The following UVRAG variants were observed in gnomAD, a reference collection of about 807,000 sequenced individuals.
The protein encoded by UVRAG is UV radiation resistance-associated gene protein.
In UVRAG, 19 loss-of-function variants were observed where a neutral mutation model predicts 78.0. The observed-to-expected ratio is 0.24, with a 90% CI of 0.17 to 0.36. UVRAG has a LOEUF of 0.36. Ranked by LOEUF, UVRAG falls within the 10% of genes least tolerant of loss-of-function variation. The pLI is 1.00. For missense variants in UVRAG, 740 were observed against 853.8 expected, an observed-to-expected ratio of 0.87 and a Z score of 1.66; for synonymous variants, 323 against 324.6, an observed-to-expected ratio of 1.00 and a Z score of 0.05.
intron 1 of UVRAG, among the ~76,000 whole-genome samples, chr11:75,818,382 T>G (rs10793132): frequency 0.21 from 31,277 of 151,852 alleles, 5,233 homozygotes; most frequent in African/African-American, 0.46. Flanking sequence ...AAATTTCAAA[T>G]ATTTAGATAA....
intron 3 of UVRAG, among the ~76,000 whole-genome samples, chr11:75,876,901 G>C (rs1363428311): frequency 6.6e-6 from 1 of 151,060 alleles, no homozygotes; most frequent in Non-Finnish European, 1.5e-5. Context: ...CACAGAGGGG[G>C]ATTTGGCAGG....
At chr11:76,003,059 C>T (rs1565114215) in intron 8 of UVRAG, among the ~76,000 whole-genome samples, 1 of 151,406 alleles carries the variant, frequency 6.6e-6, no homozygotes, top group African/African-American at 2.4e-5. Context: ...GCTTGGGTGA[C>T]AGAAACCCTG....
intron 6 of UVRAG, among the ~76,000 whole-genome samples, chr11:75,922,667 G>T (rs904896065): frequency 5.7e-4 from 87 of 152,182 alleles, no homozygotes; most frequent in African/African-American, 2.0e-3. Context: ...AAAACTATTG[G>T]CCGGGCGTGG....
In UVRAG at chr11:76,142,085, C is replaced by T. The variant is rs1661322443; in HGVS notation, c.*672C>T. On this transcript the variant is annotated 3_prime_UTR_variant, in exon 15 of 15. Transcript: ENST00000356136. ...GTGACGTTCCATCTCTTCTAACCAG[C>T]CATGGCCTTCCCCTCCTCTGCCATA... The T allele has an allele frequency of 6.6e-6, 1 of 152,358 alleles. No homozygotes were observed. Among genetic ancestry groups the T allele is most frequent in the Admixed American group, 6.5e-5 (1 of 15,290 alleles). The allele number at this position is 152,358 out of a possible 1,614,324, so 9.4% of individuals were successfully genotyped here. A position where few individuals can be genotyped will look rare whatever the true frequency, so the allele number is the denominator to read the frequency against.
chr11:75,894,460 C>T (rs547985409), intron 5 of UVRAG, among the ~76,000 whole-genome samples: 182 of 152,026 alleles, frequency 1.2e-3, no homozygotes, highest in African/African-American at 4.3e-3. Flanking sequence ...ATTGAGATCA[C>T]TGATTTGTTT....
intron 14 of UVRAG, among the ~76,000 whole-genome samples, chr11:76,120,080 C>G (rs1020232769): frequency 1.3e-5 from 2 of 152,210 alleles, no homozygotes; most frequent in African/African-American, 2.4e-5. Flanking sequence ...CTACCACCTT[C>G]CTCACCTCAT....
At chr11:75,886,937 C>T (rs535956388) in intron 4 of UVRAG, among the ~76,000 whole-genome samples, 59 of 149,948 alleles carry the variant, frequency 3.9e-4, no homozygotes, top group African/African-American at 1.4e-3. Flanking sequence ...TATACTACTT[C>T]GAGTTTTTTT....
At chr11:75,968,320 G>T (rs556410247) in intron 7 of UVRAG, among the ~76,000 whole-genome samples, 2 of 152,172 alleles carry the variant, frequency 1.3e-5, no homozygotes, top group South Asian at 4.2e-4. Context: ...GTAATCTATT[G>T]GCGAAATATA....
At chr11:75,846,718 T>A (rs1946041048) in intron 1 of UVRAG, among the ~76,000 whole-genome samples, 1 of 152,204 alleles carries the variant, frequency 6.6e-6, no homozygotes, top group Non-Finnish European at 1.5e-5. Flanking sequence ...GTAAGTGTAT[T>A]TCTAGGCTCT....
chr11:75,960,723 C>T (rs540334141), intron 6 of UVRAG, among the ~76,000 whole-genome samples: 1 of 152,110 alleles, frequency 6.6e-6, no homozygotes, highest in African/African-American at 2.4e-5. Flanking sequence ...GCCGTGATTG[C>T]ACCACTGTAC....
intron 12 of UVRAG, among the ~76,000 whole-genome samples, chr11:76,045,745 T>A (rs1286445055): frequency 7.1e-6 from 1 of 140,746 alleles, no homozygotes; most frequent in Non-Finnish European, 1.6e-5. Context: ...AAAGAAAAGA[T>A]AAGAAATTAG....
At chr11:76,057,923 G>A (rs901504216) in intron 12 of UVRAG, among the ~76,000 whole-genome samples, 1 of 152,078 alleles carries the variant, frequency 6.6e-6, no homozygotes, top group Non-Finnish European at 1.5e-5. Context: ...TGTTGTTGTT[G>A]TTGTTATTGT....
At chr11:76,124,015 C>T (rs923093059) in intron 14 of UVRAG, among the ~76,000 whole-genome samples, 3 of 152,166 alleles carry the variant, frequency 2.0e-5, no homozygotes, top group East Asian at 1.9e-4. Context: ...CCACCCGCCT[C>T]GGCCTCCCAA....
rs1027174557 is a variant in UVRAG at position 75,815,327 on chromosome 11, G to A, written c.-81G>A. The A allele has an allele frequency of 4.3e-5, 32 of 736,164 alleles. No homozygotes were observed. The highest frequency in any genetic ancestry group is 5.9e-5 in the Non-Finnish European group (31 of 528,888). 45.6% of individuals were successfully genotyped at this position (736,164 alleles called of 1,614,324 possible). A position where few individuals can be genotyped will look rare whatever the true frequency, so the allele number is the denominator to read the frequency against. ...GGGTGGCGGGTTTCTAGGCTGCAGG[G>A]GCTTGGTAGGTGGTGGCAAGGGGGC... is the stretch of plus-strand genomic sequence containing the variant. On this transcript the variant is annotated 5_prime_UTR_variant, in exon 1 of 15. Coordinates refer to ENST00000356136, the MANE Select transcript of UVRAG (RefSeq NM_003369.4).
chr11:75,917,295 A>G (rs1397473802), intron 6 of UVRAG, among the ~76,000 whole-genome samples: 3 of 152,210 alleles, frequency 2.0e-5, no homozygotes, highest in Non-Finnish European at 4.4e-5. Flanking sequence ...GTTAATTCTA[A>G]ACAGTCATAA....
At chr11:75,828,325 A>G (rs1945561219) in intron 1 of UVRAG, among the ~76,000 whole-genome samples, 1 of 151,930 alleles carries the variant, frequency 6.6e-6, no homozygotes, top group Admixed American at 6.6e-5. Flanking sequence ...ACGTCAGTAT[A>G]AATTGGGTGC....
intron 13 of UVRAG, among the ~76,000 whole-genome samples, chr11:76,068,117 C>A (rs1951229952): frequency 1.3e-5 from 2 of 152,150 alleles, no homozygotes; most frequent in African/African-American, 4.8e-5. Context: ...AAACACACTT[C>A]TTTCTTCTCA....
chr11:75,836,323 G>T (rs1266595674), intron 1 of UVRAG, among the ~76,000 whole-genome samples: 1 of 152,060 alleles, frequency 6.6e-6, no homozygotes, highest in Non-Finnish European at 1.5e-5. Context: ...ACTGATCTAG[G>T]CCATCTTCCT....
chr11:76,009,715 G>A (rs753150155), intron 11 of UVRAG, among the ~76,000 whole-genome samples: 1 of 152,180 alleles, frequency 6.6e-6, no homozygotes, highest in Non-Finnish European at 1.5e-5. Flanking sequence ...GCCCTTACCT[G>A]TAAGTACTTT....
Sources: allele counts gnomAD v4.1 joint callset (sites outside exome capture counted in the v4.1 genomes callset), GRCh38; gene constraint gnomAD v4.1.1; transcripts MANE v1.5; gene names NCBI Gene and HGNC (gene_info 2026-07-23, HGNC 2026-07-21).